The following HLA-DQA1 variants were observed in gnomAD, a reference collection of about 807,000 sequenced individuals.
HLA-DQA1 encodes HLA class II histocompatibility antigen, DQ alpha 1 chain.
A neutral mutation model predicts 20.7 loss-of-function variants in HLA-DQA1; 10 were observed. That is an observed-to-expected ratio of 0.48 (90% CI 0.30 to 0.82). The LOEUF is 0.82. HLA-DQA1 is among the 40% of genes least tolerant of loss of function. The probability of loss-of-function intolerance (pLI) is 0.07; values close to 1 mark genes in which losing one functional copy is unlikely to be tolerated. For synonymous variants in HLA-DQA1, 39 were observed against 109.2 expected, an observed-to-expected ratio of 0.36 and a Z score of 4.01; for missense variants, 127 against 293.0, an observed-to-expected ratio of 0.43 and a Z score of 4.14.
downstream of HLA-DQA1, chr6:32,644,852 A>G (rs1366171827): frequency 1.5e-5 from 2 of 134,504 alleles, no homozygotes; most frequent in African/African-American, 2.6e-5. Context: ...TATGGCCCAT[A>G]AGTGTTTATT....
downstream of HLA-DQA1, chr6:32,645,703 C>T (rs1364834911): frequency 2.0e-5 from 2 of 97,688 alleles, 1 homozygote; most frequent in Non-Finnish European, 4.6e-5. Flanking sequence ...CAATTATGAT[C>T]CTAAATGTGT....
chr6:32,643,382 A>G lies in HLA-DQA1; in HGVS notation c.*451A>G, dbSNP rs1054145631. ...TCCCAGATCATTTTTCATGTCCAGT[A>G]ACACAGAAGCCACCAAGTACAGTAT... On this transcript the variant is annotated 3_prime_UTR_variant, in exon 5 of 5. Coordinates refer to ENST00000343139, the MANE Select transcript of HLA-DQA1 (RefSeq NM_002122.5). The G allele has an allele frequency of 1.0e-5, 3 of 286,074 alleles. No individual in the cohort carries two copies. The highest frequency in any genetic ancestry group is 6.7e-5 in the African/African-American group (3 of 44,540). 17.7% of individuals were successfully genotyped at this position (286,074 alleles called of 1,614,324 possible).
chr6:32,638,195 A>G (rs9272485), intron 1 of HLA-DQA1, among the ~76,000 whole-genome samples: 18,395 of 96,438 alleles, frequency 0.19, 3,453 homozygotes, highest in Non-Finnish European at 0.23. Flanking sequence ...TGAAAACATG[A>G]ATGTCAATTT....
rs1230988328 is a variant in HLA-DQA1, at chr6:32,642,194, A to T, written c.554A>T (p.Glu185Val). 2 of 1,403,892 alleles carry T rather than the reference A, an allele frequency of 1.4e-6. No individual in the cohort carries two copies. Among genetic ancestry groups the T allele is most frequent in the Non-Finnish European group, 2.0e-6 (2 of 1,019,132 alleles). 87.0% of individuals were successfully genotyped at this position (1,403,892 alleles called of 1,614,324 possible). A position where few individuals can be genotyped will look rare whatever the true frequency, so the allele number is the denominator to read the frequency against. ...SYLTFLPSADEIYDCKVEHWG... is the reference protein window; with the variant it reads ...SYLTFLPSADVIYDCKVEHWG... ...CTCACCTTCCTCCCTTCTGCTGATGAGATTTATGACTGCAAGGTGGAGCAC... is the reference window on the plus strand; with the variant it reads ...CTCACCTTCCTCCCTTCTGCTGATGTGATTTATGACTGCAAGGTGGAGCAC... The change falls in exon 3 of 5, where the codon GAG becomes GTG. Residue 185 changes from glutamate to valine, a missense_variant. Physicochemically the swap from Glu to Val is moderately radical, Grantham distance 121. Transcript: ENST00000343139.
At chr6:32,640,557 GAAAA>G (rs75874670) in intron 1 of HLA-DQA1, among the ~76,000 whole-genome samples, 10,480 of 76,432 alleles carry the variant, frequency 0.14, 3,148 homozygotes, top group Admixed American at 0.18. Flanking sequence ...TCCTTCACAG[GAAAA>G]AAAAAAAAAA....
downstream of HLA-DQA1, chr6:32,646,936 G>A (rs1431888316): frequency 6.7e-6 from 1 of 149,156 alleles, no homozygotes; most frequent in Non-Finnish European, 1.5e-5. Context: ...TTTGTATGAG[G>A]CAATCAGAAA....
At chr6:32,640,076 A>T (rs41269945) in intron 1 of HLA-DQA1, among the ~76,000 whole-genome samples, 6,993 of 92,478 alleles carry the variant, frequency 0.076, 947 homozygotes, top group East Asian at 0.16. Context: ...GTCCTAAAAG[A>T]TAATTCCATT....
downstream of HLA-DQA1, among the ~76,000 whole-genome samples, chr6:32,651,228 A>T (rs1478290959): frequency 1.2e-5 from 1 of 81,494 alleles, no homozygotes; most frequent in Non-Finnish European, 2.7e-5. Flanking sequence ...ATAGAATGGT[A>T]CAAAAAATTG....
downstream of HLA-DQA1, chr6:32,647,164 GGC>G (rs1781992075): frequency 9.4e-6 from 1 of 106,636 alleles, no homozygotes; most frequent in African/African-American, 3.3e-5. Context: ...TGTTAAAGCT[GGC>G]CTTTTAAAAC....
rs2150969017 is a variant in HLA-DQA1, at chr6:32,642,271, C to T, written c.613+18C>T. The T allele has an allele frequency of 7.6e-7, 1 of 1,322,886 alleles. No individual in the cohort carries two copies. The highest frequency in any genetic ancestry group is 1.7e-5 in the African/African-American group (1 of 59,120). 81.9% of individuals were successfully genotyped at this position (1,322,886 alleles called of 1,614,324 possible). A position where few individuals can be genotyped will look rare whatever the true frequency, so the allele number is the denominator to read the frequency against. ...ACACTGGGGTAAGGATGAGTTTCAT[C>T]ATTTTTTGATTCTTTCTTGTCTGTC... On this transcript the variant is annotated intron_variant, in intron 3 of 4. Transcript: ENST00000343139.
chr6:32,647,745 G>A (rs1782025680), downstream of HLA-DQA1, among the ~76,000 whole-genome samples: 3 of 152,048 alleles, frequency 2.0e-5, no homozygotes, highest in Non-Finnish European at 4.4e-5. Flanking sequence ...GCAAAGGAGA[G>A]CAAATTACTT....
At chr6:32,647,733 C>T (rs17843577), downstream of HLA-DQA1, among the ~76,000 whole-genome samples, 86,107 of 151,474 alleles carry the variant, frequency 0.57, 24,696 homozygotes, top group Middle Eastern at 0.7. Context: ...GAACTAATAA[C>T]AGCAAAGGAG....
chr6:32,645,979 C>A (rs9273218), downstream of HLA-DQA1: 1,425 of 31,702 alleles, frequency 0.045, 54 homozygotes, highest in Admixed American at 0.058. Flanking sequence ...CTTCCTCAAG[C>A]AGCACTGTGG....
At chr6:32,643,958 C>G (rs1203278273), downstream of HLA-DQA1, 1 of 151,458 alleles carries the variant, frequency 6.6e-6, no homozygotes, top group Non-Finnish European at 1.5e-5. Context: ...ACTAGATAAC[C>G]ATGTAGCTTT....
At chr6:32,652,582 C>T in the HLA-DQA1 span, among the ~76,000 whole-genome samples, 83,305 of 147,948 alleles carry the variant, frequency 0.56, 23,769 homozygotes, top group Middle Eastern at 0.7. Flanking sequence ...ATTTTTTCAA[C>T]TTTTAGAATT....
chr6:32,643,220 C>G lies in HLA-DQA1; in HGVS notation c.*289C>G, dbSNP rs1130162. On this transcript the variant is annotated 3_prime_UTR_variant, in exon 5 of 5. Transcript: ENST00000343139. ...GGCTACCTAATTCCTCAGTAACCTC[C>G]ATCTAAAATCTCCAAGGAAGCAATA... 0.11 allele frequency: 31,992 copies of G among 304,352 alleles called. 5,399 individuals carry two copies. Among genetic ancestry groups the G allele is most frequent in the Admixed American group, 0.15 (3,286 of 21,754 alleles). 18.9% of individuals were successfully genotyped at this position (304,352 alleles called of 1,614,324 possible).
intron 1 of HLA-DQA1, among the ~76,000 whole-genome samples, chr6:32,640,954 C>T (rs28383422): frequency 1.4e-5 from 1 of 70,462 alleles, no homozygotes; most frequent in African/African-American, 4.4e-5. Flanking sequence ...GGGAAGTAAA[C>T]CTAATTTCTG....
At chr6:32,652,407 G>A in the HLA-DQA1 span, among the ~76,000 whole-genome samples, 1 of 76,144 alleles carries the variant, frequency 1.3e-5, no homozygotes, top group South Asian at 3.7e-4. Context: ...ATTGACTAAG[G>A]ATATTACTTA....
At chr6:32,641,743 C>G (rs28383459) in intron 2 of HLA-DQA1, among the ~76,000 whole-genome samples, 185 bp downstream of exon 2, 2 of 114,950 alleles carry the variant, frequency 1.7e-5, no homozygotes, top group African/African-American at 6.1e-5. Context: ...TCAGCAAATC[C>G]TTCTAGGAGA....
Sources: gnomAD v4.1 joint callset for allele counts (sites outside exome capture counted in the v4.1 genomes callset) on GRCh38, gnomAD v4.1.1 for gene constraint, MANE v1.5 for transcripts, NCBI Gene and HGNC (gene_info 2026-07-23, HGNC 2026-07-21) for gene names.